Variants in SDK1 observed in about 807,000 individuals in gnomAD.
SDK1 encodes protein sidekick-1.
In SDK1, 157 loss-of-function variants were observed where a neutral mutation model predicts 245.5. The ratio of observed to expected loss-of-function variants is 0.64; its 90% CI spans 0.56 to 0.73. The LOEUF is 0.73. Ranked by LOEUF, SDK1 falls within the 30% of genes least tolerant of loss-of-function variation. SDK1 has a pLI of 0.00. For missense variants in SDK1, 3,583 were observed against 3,002.3 expected (o/e 1.19, Z -4.52); for synonymous variants, 1,647 against 1,278.5 (o/e 1.29, Z -6.15).
At chr7:3,863,273 A>G (rs1398327589) in intron 5 of SDK1, among the ~76,000 whole-genome samples, 2 of 152,114 alleles carry the variant, frequency 1.3e-5, no homozygotes, top group Admixed American at 6.6e-5. Flanking sequence ...TCTCCCACCA[A>G]TTGAATTATC....
At chr7:3,326,046 G>A (rs1779933254) in intron 1 of SDK1, among the ~76,000 whole-genome samples, 1 of 152,138 alleles carries the variant, frequency 6.6e-6, no homozygotes, top group Admixed American at 6.6e-5. Context: ...TGTATATATA[G>A]TGAAGCTATT....
chr7:3,709,585 GT>G (rs1371881902), intron 4 of SDK1, among the ~76,000 whole-genome samples: 3 of 152,134 alleles, frequency 2.0e-5, no homozygotes, highest in African/African-American at 7.2e-5. Flanking sequence ...CCATTTTTCT[GT>G]TAAATTCCTT....
chr7:3,339,175 G>A (rs1395556878), intron 1 of SDK1, among the ~76,000 whole-genome samples: 10 of 151,326 alleles, frequency 6.6e-5, no homozygotes, highest in African/African-American at 2.4e-4. Context: ...AATAATTTCA[G>A]AATAAATTAA....
At chr7:3,439,055 G>A (rs1473028568) in intron 1 of SDK1, among the ~76,000 whole-genome samples, 3 of 151,728 alleles carry the variant, frequency 2.0e-5, no homozygotes, top group Admixed American at 6.6e-5. Flanking sequence ...GTTTTACCAC[G>A]TTGGCCAGGC....
intron 2 of SDK1, among the ~76,000 whole-genome samples, chr7:3,623,433 G>T (rs1231812284): frequency 3.3e-5 from 5 of 151,828 alleles, no homozygotes; most frequent in South Asian, 2.1e-4. Flanking sequence ...TAGAGAAGGG[G>T]TTTCACCATG....
At chr7:3,591,296 C>T (rs985849447) in intron 1 of SDK1, among the ~76,000 whole-genome samples, 4 of 152,120 alleles carry the variant, frequency 2.6e-5, no homozygotes, top group Non-Finnish European at 5.9e-5. Flanking sequence ...GTTTTTGAAA[C>T]CTCCCAGTAG....
At chr7:3,657,456 C>A (rs1178472496) in intron 4 of SDK1, among the ~76,000 whole-genome samples, 1 of 152,162 alleles carries the variant, frequency 6.6e-6, no homozygotes, top group Non-Finnish European at 1.5e-5. Context: ...ATTCAGGGTC[C>A]TACCCAAATG....
intron 1 of SDK1, among the ~76,000 whole-genome samples, chr7:3,480,883 C>G (rs1781501341): frequency 1.3e-5 from 2 of 152,210 alleles, no homozygotes; most frequent in African/African-American, 4.8e-5. Flanking sequence ...TGGCATCGGA[C>G]TTCCAGTTAG....
intron 1 of SDK1, among the ~76,000 whole-genome samples, chr7:3,366,998 C>T (rs1388305851): frequency 6.6e-6 from 1 of 152,088 alleles, no homozygotes; most frequent in African/African-American, 2.4e-5. Flanking sequence ...CCTCAGCCTC[C>T]CAAAGTGCTG....
rs558480141 is a variant in SDK1, at chr7:3,825,977, T to C, written c.847+4394T>C. On this transcript the variant is annotated intron_variant, in intron 5 of 44. Transcript: ENST00000404826. ...TAGAACCAAGCATAGTTTTATAGAT[T>C]GTATGACACTTTACTGCCAGAATTT... Among the ~76,000 whole-genome samples, 73 of 152,358 alleles carry C rather than the reference T, an allele frequency of 4.8e-4. 1 individual carries two copies. The highest frequency in any genetic ancestry group is 7.9e-4 in the Non-Finnish European group (54 of 68,026).
intron 1 of SDK1, among the ~76,000 whole-genome samples, chr7:3,504,847 T>G (rs906909685): frequency 2.4e-4 from 37 of 151,552 alleles, no homozygotes; most frequent in African/African-American, 8.2e-4. Context: ...GAAAACAGCC[T>G]GGCAGTTCCT....
intron 1 of SDK1, among the ~76,000 whole-genome samples, chr7:3,553,077 T>C (rs1779466596): frequency 1.3e-5 from 2 of 152,296 alleles, no homozygotes; most frequent in Middle Eastern, 3.4e-3. Flanking sequence ...TACCATCTAG[T>C]ATAATTATTT....
chr7:3,923,916 C>T (rs1779679867), intron 5 of SDK1, among the ~76,000 whole-genome samples: 1 of 152,110 alleles, frequency 6.6e-6, no homozygotes, highest in African/African-American at 2.4e-5. Context: ...GCAGCCTCTC[C>T]CTTAGACAGG....
chr7:3,324,252 A>C (rs969198036), intron 1 of SDK1, among the ~76,000 whole-genome samples: 2 of 152,212 alleles, frequency 1.3e-5, no homozygotes, highest in Non-Finnish European at 2.9e-5. Flanking sequence ...AATTTTTATT[A>C]AAATGTATAT....
chr7:4,171,758 G>A (rs659879), intron 32 of SDK1, among the ~76,000 whole-genome samples: 42,821 of 152,012 alleles, frequency 0.28, 8,075 homozygotes, highest in African/African-American at 0.53. Flanking sequence ...TTTGGAGCTA[G>A]ATGCCGGGCA....
intron 1 of SDK1, among the ~76,000 whole-genome samples, chr7:3,562,252 G>A (rs1779773165): frequency 1.3e-5 from 2 of 152,146 alleles, no homozygotes; most frequent in African/African-American, 2.4e-5. Context: ...AAAATAACCT[G>A]CCATCATCAG....
At chr7:3,783,143 C>T (rs184106794) in intron 4 of SDK1, among the ~76,000 whole-genome samples, 6 of 152,050 alleles carry the variant, frequency 3.9e-5, no homozygotes, top group South Asian at 2.1e-4. Flanking sequence ...TGTTAGATGC[C>T]GAAAAAGCAT....
chr7:3,657,721 C>T (rs1051775647), intron 4 of SDK1, among the ~76,000 whole-genome samples: 5 of 152,134 alleles, frequency 3.3e-5, no homozygotes, highest in Non-Finnish European at 7.3e-5. Context: ...AGCGTGCAGC[C>T]TATGCAGATG....
At chr7:3,488,473 A>T (rs994394713) in intron 1 of SDK1, among the ~76,000 whole-genome samples, 3 of 152,040 alleles carry the variant, frequency 2.0e-5, no homozygotes, top group African/African-American at 7.2e-5. Context: ...TTCAGTTTTT[A>T]TTGCATTATC....
Sources: gnomAD v4.1 joint callset for allele counts (sites outside exome capture counted in the v4.1 genomes callset) on GRCh38, gnomAD v4.1.1 for gene constraint, MANE v1.5 for transcripts, NCBI Gene and HGNC (gene_info 2026-07-23, HGNC 2026-07-21) for gene names.